The following ANKS6 variants were observed in gnomAD, a reference collection of about 807,000 sequenced individuals.
ANKS6 encodes ankyrin repeat and sterile alpha motif domain containing 6, also known as ankyrin repeat and SAM domain-containing protein 6.
ANKS6 carries 47 observed loss-of-function variants against 77.9 expected under a neutral mutation model. That is an observed-to-expected ratio of 0.60 (90% CI 0.48 to 0.77). The LOEUF is 0.77. ANKS6 is among the 30% of genes least tolerant of loss of function. The pLI, the probability that ANKS6 is intolerant of heterozygous loss-of-function variation, is 0.00. For synonymous variants in ANKS6, 488 were observed against 501.7 expected (o/e 0.97, Z 0.37); for missense variants, 1,150 against 1,159.1 (o/e 0.99, Z 0.11).
At position 98,770,967 on chromosome 9, in the gene ANKS6, G is replaced by T; in HGVS notation, c.1901C>A (p.Ser634Ter). The change falls in exon 10 of 15, where the codon TCG becomes TAG. Residue 634 changes from serine (S) to a stop codon, truncating the protein, a stop_gained. Transcript: ENST00000353234. LOFTEE classifies it high-confidence loss of function. ...ACTGGAGCCGCCCGATGAATGAGGCGAGTGGTTGAAGTTTCCAGAATTGGC... is the reference window on the plus strand; with the variant it reads ...ACTGGAGCCGCCCGATGAATGAGGCTAGTGGTTGAAGTTTCCAGAATTGGC... The part of the protein sequence containing the change: ...SSANSGNFNH[S>*]PHSSGGSSGV... The T allele has an allele frequency of 6.3e-7, 1 of 1,598,462 alleles. No individual in the cohort carries two copies. The highest frequency in any genetic ancestry group is 1.1e-5 in the South Asian group (1 of 88,120).
Position 98,782,488 on chromosome 9 carries a change from C to T in ANKS6, c.1198G>A (p.Val400Met). ...AKNGYTAFDL[V>M]MLLNDPDTEL... ...CTACCGGGATCATTCAGCAGCATCA[C>T]CAGGTCAAAGGCCGTGTATCCATTT... Residue 400 changes from valine (V) to methionine (M), a missense_variant, in exon 5 of 15, where the codon GTG becomes ATG. Physicochemically the swap from Val to Met is conservative, Grantham distance 21. Transcript: ENST00000353234. The T allele has an allele frequency of 6.2e-7, 1 of 1,614,048 alleles. No homozygotes were observed. The highest frequency in any genetic ancestry group is 8.5e-7 in the Non-Finnish European group (1 of 1,179,962).
chr9:98,775,199 A>G (rs1392906820), intron 8 of ANKS6, among the ~76,000 whole-genome samples: 1 of 152,262 alleles, frequency 6.6e-6, no homozygotes, highest in Non-Finnish European at 1.5e-5. Flanking sequence ...CTGGGGTAAC[A>G]GTCTAAATTG....
rs944603300 is a variant in ANKS6 at position 98,796,506 on chromosome 9, G to A, written c.-15C>T. ...CCCTCGCCCATCGCCGCCGCCACGC[G>A]CGGCCCGCTCCCGTCCGCCCCGCCG... On this transcript the variant is annotated 5_prime_UTR_variant, in exon 1 of 15. Transcript: ENST00000353234. 1 of 987,126 alleles carries A rather than the reference G, an allele frequency of 1.0e-6. No individual in the cohort carries two copies. 61.1% of individuals were successfully genotyped at this position (987,126 alleles called of 1,614,324 possible).
At chr9:98,738,898 G>T (rs1831654105) in intron 14 of ANKS6, among the ~76,000 whole-genome samples, 1 of 152,152 alleles carries the variant, frequency 6.6e-6, no homozygotes, top group African/African-American at 2.4e-5. Context: ...TATATATGAT[G>T]GAATACTACG....
At chr9:98,753,230 T>A in intron 12 of ANKS6, among the ~76,000 whole-genome samples, 1 of 152,182 alleles carries the variant, frequency 6.6e-6, no homozygotes, top group Non-Finnish European at 1.5e-5. Context: ...CCTACTCTTG[T>A]ACCCACAGCC....
Position 98,751,100 on chromosome 9 carries a change from C to T in ANKS6, c.2327-4G>A. ...TTAAGGATTCCAGTCAGTTCATCTT[C>T]AAGATGGAAAGGTGAAAAAAAAACA... On this transcript the variant is annotated splice_polypyrimidine_tract_variant and splice_region_variant and intron_variant, in intron 12 of 14. Coordinates refer to ENST00000353234, the MANE Select transcript of ANKS6 (RefSeq NM_173551.5). 2 of 1,597,368 alleles carry T rather than the reference C, an allele frequency of 1.3e-6. No individual in the cohort carries two copies. Among genetic ancestry groups the T allele is most frequent in the Admixed American group, 1.8e-5 (1 of 57,004 alleles).
intron 4 of ANKS6, 23 bp from the exon 5 acceptor site, chr9:98,782,596 C>T (rs373399888): frequency 7.5e-6 from 12 of 1,595,142 alleles, no homozygotes; most frequent in Non-Finnish European, 1.0e-5. Context: ...GCTAGAGTTA[C>T]ATTCACTGAA....
chr9:98,786,552 A>G (rs1360786807), intron 2 of ANKS6, among the ~76,000 whole-genome samples: 1 of 152,088 alleles, frequency 6.6e-6, no homozygotes, highest in Non-Finnish European at 1.5e-5. Context: ...CGCCTCCCAA[A>G]GTGCTGGGAT....
In ANKS6 at chr9:98,782,560, C is replaced by T. The variant is rs1834332513; in HGVS notation, c.1126G>A (p.Val376Met). Reference sequence around the variant, plus strand: ...GCCCCTTGGTTTAGCAGATATTTCACAATTTCCTTATTCCTGGGAAAAAAT... The same window carrying T: ...GCCCCTTGGTTTAGCAGATATTTCATAATTTCCTTATTCCTGGGAAAAAAT... ...QATYHGNKEI[V>M]KYLLNQGADV... The change falls in exon 5 of 15, where the codon GTG (valine) becomes ATG (methionine). Residue 376 changes from valine to methionine, a missense_variant. By Grantham distance (21) the Val-to-Met change is conservative (BLOSUM62 1). Transcript: ENST00000353234. 1 of 1,613,910 alleles carries T rather than the reference C, an allele frequency of 6.2e-7. No individual in the cohort carries two copies. Among genetic ancestry groups the T allele is most frequent in the Non-Finnish European group, 8.5e-7 (1 of 1,179,922 alleles).
intron 6 of ANKS6, 137 bp from the exon 7 acceptor site, chr9:98,778,561 C>T (rs1212282203): frequency 5.3e-6 from 4 of 755,576 alleles, no homozygotes; most frequent in Non-Finnish European, 8.6e-6. Context: ...ACAGACATTA[C>T]TGATCAATGA....
rs1050658996 is a variant in ANKS6, at chr9:98,733,236, A to C, written c.*3283T>G. 2 of 985,438 alleles carry C rather than the reference A, an allele frequency of 2.0e-6. No homozygotes were observed. Among genetic ancestry groups the C allele is most frequent in the Non-Finnish European group, 1.2e-6 (1 of 829,994 alleles). 61.0% of individuals were successfully genotyped at this position (985,438 alleles called of 1,614,324 possible). A position where few individuals can be genotyped will look rare whatever the true frequency, so the allele number is the denominator to read the frequency against. On this transcript the variant is annotated 3_prime_UTR_variant, in exon 15 of 15. Transcript: ENST00000353234. ...AAAAAATAAACAATCTCCTCACAAA[A>C]CCAGCTGGCCTCCATGTAATTTTGT...
Position 98,745,548 on chromosome 9 carries a change from G to C in ANKS6, c.2511+11C>G. 6.2e-7 allele frequency: 1 copy of C among 1,605,916 alleles called. No homozygotes were observed. The highest frequency in any genetic ancestry group is 8.5e-7 in the Non-Finnish European group (1 of 1,172,420). Reference sequence around the variant, plus strand: ...CTGAAACACGGAAATACAAGAAACAGAGAACGGTACCTTGCCTGCGTTCAG... The same window carrying C: ...CTGAAACACGGAAATACAAGAAACACAGAACGGTACCTTGCCTGCGTTCAG... On this transcript the variant is annotated intron_variant, in intron 14 of 14. Coordinates refer to ENST00000353234, the MANE Select transcript of ANKS6 (RefSeq NM_173551.5).
At chr9:98,789,943 C>A in intron 2 of ANKS6, 161 bp downstream of exon 2, 1 of 1,106,536 alleles carries the variant, frequency 9.0e-7, no homozygotes. Context: ...ATGTCACAGG[C>A]AATCCCCCCG....
chr9:98,732,671 C>A lies in ANKS6; in HGVS notation c.*3848G>T. On this transcript the variant is annotated 3_prime_UTR_variant, in exon 15 of 15. Coordinates refer to ENST00000353234, the MANE Select transcript of ANKS6 (RefSeq NM_173551.5). Reference sequence around the variant, plus strand: ...CGCTCCACAGTGTGAAAAGGGCTTTCTCACTTTCACATGATCCCTGGGGGC... The same window carrying A: ...CGCTCCACAGTGTGAAAAGGGCTTTATCACTTTCACATGATCCCTGGGGGC... 1 of 1,499,000 alleles carries A rather than the reference C, an allele frequency of 6.7e-7. No individual in the cohort carries two copies. Among genetic ancestry groups the A allele is most frequent in the Non-Finnish European group, 8.9e-7 (1 of 1,124,854 alleles). The allele number at this position is 1,499,000 out of a possible 1,614,324, so 92.9% of individuals were successfully genotyped here.
chr9:98,763,958 AAT>A (rs1400262336), intron 11 of ANKS6, among the ~76,000 whole-genome samples: 5 of 152,184 alleles, frequency 3.3e-5, no homozygotes, highest in Non-Finnish European at 7.4e-5. Flanking sequence ...TATATCTATT[AAT>A]GAAATTCATT....
chr9:98,764,972 A>G (rs1833191999), intron 11 of ANKS6, among the ~76,000 whole-genome samples: 1 of 152,192 alleles, frequency 6.6e-6, no homozygotes, highest in African/African-American at 2.4e-5. Flanking sequence ...ATAGACTAAG[A>G]TTTCTAAGCA....
chr9:98,744,418 G>A (rs999177422), intron 14 of ANKS6, among the ~76,000 whole-genome samples: 6 of 152,134 alleles, frequency 3.9e-5, no homozygotes, highest in East Asian at 1.9e-4. Flanking sequence ...GCCCACCACC[G>A]CGTGACCTGG....
At chr9:98,784,184 G>A (rs372042640) in intron 3 of ANKS6, 27 bp from the exon 4 acceptor site, 34 of 1,504,246 alleles carry the variant, frequency 2.3e-5, no homozygotes, top group Non-Finnish European at 3.0e-5. Context: ...GAGTCCGGGT[G>A]AACTGTGGGC....
chr9:98,736,772 C>G (rs1319251715), intron 14 of ANKS6, 149 bp from the exon 15 acceptor site: 3 of 1,031,548 alleles, frequency 2.9e-6, no homozygotes, highest in Admixed American at 4.4e-5. Context: ...GAAAGAGTAC[C>G]GAGTTCAATA....
Sources: allele counts gnomAD v4.1 joint callset (sites outside exome capture counted in the v4.1 genomes callset), GRCh38; gene constraint gnomAD v4.1.1; transcripts MANE v1.5; gene names NCBI Gene and HGNC (gene_info 2026-07-23, HGNC 2026-07-21).